Variants in EYA2 observed in about 807,000 individuals in gnomAD.
EYA2 encodes protein phosphatase EYA2.
A neutral mutation model predicts 69.2 loss-of-function variants in EYA2; 31 were observed. The ratio of observed to expected loss-of-function variants is 0.45; its 90% CI spans 0.34 to 0.60. The LOEUF is 0.60. EYA2 is among the 20% of genes least tolerant of loss of function. EYA2 has a pLI of 0.02. For synonymous variants in EYA2, 257 were observed against 279.4 expected (o/e 0.92, Z 0.80); for missense variants, 622 against 701.2 (o/e 0.89, Z 1.28).
chr20:46,987,633 A>G (rs1383124287), intron 1 of EYA2, among the ~76,000 whole-genome samples: 1 of 152,100 alleles, frequency 6.6e-6, no homozygotes, highest in Non-Finnish European at 1.5e-5. Context: ...GATCAAAAAT[A>G]TTCGGGGAGT....
intron 4 of EYA2, among the ~76,000 whole-genome samples, chr20:47,005,472 G>T (rs922328999): frequency 3.9e-5 from 6 of 152,194 alleles, no homozygotes; most frequent in Non-Finnish European, 4.4e-5. Context: ...AGCAAAGATG[G>T]TGCCTGTCCA....
intron 5 of EYA2, among the ~76,000 whole-genome samples, chr20:47,045,365 A>C (rs1156739836): frequency 6.6e-6 from 1 of 152,180 alleles, no homozygotes. Context: ...ACTGCCAGCT[A>C]TTTTAAGGCC....
Position 47,053,387 on chromosome 20 carries a change from C to T in EYA2, c.416-18798C>T, listed in dbSNP as rs148948428. Among the ~76,000 whole-genome samples, 611 of 152,180 alleles carry T rather than the reference C, an allele frequency of 4.0e-3. 6 individuals carry two copies. Among genetic ancestry groups the T allele is most frequent in the African/African-American group, 0.014 (574 of 41,526 alleles). ...ATTCATAAAAAGAGTAACATTCGGC[C>T]GGGTGCAGCGGCTCATGCCTGTAAT... On this transcript the variant is annotated intron_variant, in intron 5 of 15. Transcript: ENST00000327619.
chr20:46,979,105 G>C (rs1980647497), intron 1 of EYA2, among the ~76,000 whole-genome samples: 1 of 152,194 alleles, frequency 6.6e-6, no homozygotes, highest in South Asian at 2.1e-4. Flanking sequence ...CTGGCCATCT[G>C]TCCTCTGCAT....
chr20:46,950,740 TA>T (rs1405036479), intron 1 of EYA2, among the ~76,000 whole-genome samples: 2 of 152,214 alleles, frequency 1.3e-5, no homozygotes, highest in Admixed American at 6.5e-5. Context: ...GAGCAGGCAC[TA>T]GCTTTATGTG....
chr20:46,983,331 GT>G (rs1568702734), intron 1 of EYA2, among the ~76,000 whole-genome samples: 1 of 152,146 alleles, frequency 6.6e-6, no homozygotes, highest in African/African-American at 2.4e-5. Context: ...CAAAAGAAAA[GT>G]TTTTCTGCTG....
chr20:46,959,721 A>G (rs1350355981), intron 1 of EYA2, among the ~76,000 whole-genome samples: 1 of 152,078 alleles, frequency 6.6e-6, no homozygotes, highest in Non-Finnish European at 1.5e-5. Flanking sequence ...ACAGAGAATA[A>G]AGCTTCTCTC....
At chr20:46,980,547 A>G (rs937729367) in intron 1 of EYA2, among the ~76,000 whole-genome samples, 58 of 152,354 alleles carry the variant, frequency 3.8e-4, no homozygotes, top group African/African-American at 1.3e-3. Context: ...CATATAATGT[A>G]TACAGATCAA....
intron 1 of EYA2, among the ~76,000 whole-genome samples, chr20:46,922,626 C>T (rs559296512): frequency 1.3e-5 from 2 of 152,262 alleles, no homozygotes; most frequent in African/African-American, 4.8e-5. Context: ...TTTGTGCTTA[C>T]AGTCGAATGC....
At chr20:47,160,677 G>GC (rs1568816957) in intron 10 of EYA2, among the ~76,000 whole-genome samples, 1 of 152,126 alleles carries the variant, frequency 6.6e-6, no homozygotes, top group Non-Finnish European at 1.5e-5. Flanking sequence ...CAGTGTGTAC[G>GC]CATCTTGAAT....
At chr20:46,986,903 A>C (rs1175329283) in intron 1 of EYA2, among the ~76,000 whole-genome samples, 1 of 152,126 alleles carries the variant, frequency 6.6e-6, no homozygotes, top group Non-Finnish European at 1.5e-5. Flanking sequence ...TTAACATGAG[A>C]GTTGAAGGGG....
intron 12 of EYA2, among the ~76,000 whole-genome samples, chr20:47,173,509 T>TAAAAAAAAAAA (rs767756028): frequency 6.0e-5 from 5 of 83,654 alleles, no homozygotes; most frequent in African/African-American, 1.8e-4. Flanking sequence ...TGAGACCCCG[T>TAAAAAAAAAAA]AAAAAAAAAA....
intron 5 of EYA2, among the ~76,000 whole-genome samples, chr20:47,049,911 T>G (rs139274363): frequency 6.7e-6 from 1 of 149,618 alleles, no homozygotes; most frequent in Non-Finnish European, 1.5e-5. Flanking sequence ...TTTGACACTT[T>G]TGATGAATAC....
chr20:47,123,449 A>G (rs2033103071), intron 9 of EYA2, among the ~76,000 whole-genome samples: 1 of 152,148 alleles, frequency 6.6e-6, no homozygotes, highest in Admixed American at 6.5e-5. Context: ...TATTTCAGTT[A>G]TGAAAGCCAC....
intron 10 of EYA2, among the ~76,000 whole-genome samples, chr20:47,150,481 C>T (rs1261347216): frequency 6.6e-6 from 1 of 150,538 alleles, no homozygotes; most frequent in Admixed American, 6.6e-5. Context: ...TCCCCCACCC[C>T]CCGAAAGACA....
At chr20:47,086,114 C>T (rs1036275754) in intron 7 of EYA2, among the ~76,000 whole-genome samples, 3 of 152,152 alleles carry the variant, frequency 2.0e-5, no homozygotes, top group African/African-American at 7.2e-5. Flanking sequence ...CTGACTGTGA[C>T]CTTGAACTTT....
chr20:47,066,454 T>C (rs994514363), intron 5 of EYA2, among the ~76,000 whole-genome samples: 3 of 152,178 alleles, frequency 2.0e-5, no homozygotes, highest in Non-Finnish European at 4.4e-5. Context: ...AAAATAGCAA[T>C]GTCTTCAACA....
chr20:47,053,184 T>A (rs527685092), intron 5 of EYA2, among the ~76,000 whole-genome samples: 6 of 151,928 alleles, frequency 3.9e-5, no homozygotes, highest in Non-Finnish European at 8.8e-5. Context: ...TTCTTCTAGA[T>A]GAAATTACAA....
At chr20:46,966,406 A>C (rs1979784325) in intron 1 of EYA2, among the ~76,000 whole-genome samples, 1 of 152,210 alleles carries the variant, frequency 6.6e-6, no homozygotes, top group African/African-American at 2.4e-5. Flanking sequence ...GTTCTCATGG[A>C]GCATGTTAAG....
Sources: gnomAD v4.1 joint callset for allele counts (sites outside exome capture counted in the v4.1 genomes callset) on GRCh38, gnomAD v4.1.1 for gene constraint, MANE v1.5 for transcripts, NCBI Gene and HGNC (gene_info 2026-07-23, HGNC 2026-07-21) for gene names.